GPHN: variants seen among roughly 807,000 people sequenced by gnomAD.
GPHN encodes the protein gephyrin.
A neutral mutation model predicts 95.5 loss-of-function variants in GPHN; 17 were observed. That is an observed-to-expected ratio of 0.18 (90% CI 0.12 to 0.27). The LOEUF (loss-of-function observed/expected upper bound fraction) is 0.27. Among genes scored for constraint, GPHN ranks in the 10% least tolerant of loss-of-function variants. The pLI is 1.00. For missense variants in GPHN, 660 were observed against 978.1 expected (o/e 0.67, Z 4.34); for synonymous variants, 320 against 322.5 (o/e 0.99, Z 0.08).
At chr14:67,578,195 T>A in the GPHN span, 1 of 1,613,430 alleles carries the variant, frequency 6.2e-7, no homozygotes. This position sits in a 1 kb window ranked among gnomAD's most constrained non-coding sequence, Gnocchi z 5.0. Flanking sequence ...TACTCCCTCA[T>A]GCAGGTAGGC....
At chr14:67,555,855 G>C in the GPHN span, 1 of 1,613,560 alleles carries the variant, frequency 6.2e-7, no homozygotes, top group Non-Finnish European at 8.5e-7. Context: ...GCTGCTGGAG[G>C]CAGAGCAGAG....
At chr14:66,658,261 T>A (rs1013064455) in intron 1 of GPHN, among the ~76,000 whole-genome samples, 3 of 152,150 alleles carry the variant, frequency 2.0e-5, no homozygotes, top group African/African-American at 7.2e-5. Context: ...GAGCTTTTTC[T>A]TATGGATAAT....
rs116855199 is a variant in GPHN, at chr14:66,885,542, G to C, written c.389+5509G>C. Among the ~76,000 whole-genome samples the C allele has an allele frequency of 6.6e-4, 101 of 152,234 alleles. 1 individual carries two copies. The East Asian group carries it at 0.015, about 23-fold the overall frequency. ...GATCCAGGTTCTATTGTGGATTACT[G>C]CTTTAGGTTGTAGAAGTGCAGAGGC... On this transcript the variant is annotated intron_variant, in intron 5 of 22. Coordinates refer to ENST00000478722, the MANE Select transcript of GPHN (RefSeq NM_020806.5).
the GPHN span, among the ~76,000 whole-genome samples, chr14:67,728,824 A>C: frequency 6.6e-6 from 1 of 151,918 alleles, no homozygotes; most frequent in Non-Finnish European, 1.5e-5. Context: ...TTCCAATCAG[A>C]TCGCTACCCC....
At chr14:66,761,659 CTTT>C (rs753179169) in intron 2 of GPHN, among the ~76,000 whole-genome samples, 3 of 135,622 alleles carry the variant, frequency 2.2e-5, no homozygotes, top group Admixed American at 7.4e-5. Context: ...ATACTCAGTT[CTTT>C]TTTTTTTTTT....
chr14:67,223,626 C>A, the GPHN span: 1 of 693,594 alleles, frequency 1.4e-6, no homozygotes, highest in Non-Finnish European at 1.8e-6. Flanking sequence ...AAGGGTGGCA[C>A]AACTTACAAA....
the GPHN span, chr14:67,302,051 G>T: frequency 6.2e-7 from 1 of 1,609,656 alleles, no homozygotes. Flanking sequence ...GTTTATGAAA[G>T]TATTGGCCAG....
the GPHN span, among the ~76,000 whole-genome samples, chr14:67,508,757 A>AAAAAAAAAAAAAAAAAAAC: frequency 6.7e-6 from 1 of 149,154 alleles, no homozygotes; most frequent in Admixed American, 6.7e-5. Flanking sequence ...TTGTCTCAAA[A>AAAAAAAAAAAAAAAAAAAC]AAAAAAAAAA....
the GPHN span, among the ~76,000 whole-genome samples, chr14:67,212,598 A>AAAAT: frequency 7.4e-6 from 1 of 135,910 alleles, no homozygotes; most frequent in Non-Finnish European, 1.6e-5. Flanking sequence ...TGAAAAAAAA[A>AAAAT]ATATATATAT....
At chr14:66,598,639 G>A (rs753934861) in intron 1 of GPHN, among the ~76,000 whole-genome samples, 10 of 152,116 alleles carry the variant, frequency 6.6e-5, no homozygotes, top group Admixed American at 2.6e-4. Context: ...GAGGTCAGGA[G>A]TTCAAGACCA....
the GPHN span, among the ~76,000 whole-genome samples, chr14:67,430,794 G>T: frequency 2.0e-5 from 3 of 152,168 alleles, no homozygotes; most frequent in Non-Finnish European, 4.4e-5. Context: ...TCCTCATTAA[G>T]TGGACCACAA....
chr14:67,095,965 G>GA (rs2077362219), intron 12 of GPHN, among the ~76,000 whole-genome samples: 1 of 50,556 alleles, frequency 2.0e-5, no homozygotes, highest in Non-Finnish European at 3.4e-5. Context: ...AAAGAAAAAG[G>GA]CAAAAAAAAA....
chr14:67,626,825 T>G, the GPHN span, among the ~76,000 whole-genome samples: 1 of 152,194 alleles, frequency 6.6e-6, no homozygotes, highest in African/African-American at 2.4e-5. Context: ...GAAACTCAAA[T>G]GTACATTAAT....
At chr14:67,315,649 T>C in the GPHN span, among the ~76,000 whole-genome samples, 8 of 152,232 alleles carry the variant, frequency 5.3e-5, 1 homozygote, top group African/African-American at 1.4e-4. Context: ...GTCTTGGCCG[T>C]GCACAGTGGC....
chr14:67,629,829 A>T, the GPHN span, among the ~76,000 whole-genome samples: 2 of 152,268 alleles, frequency 1.3e-5, no homozygotes, highest in African/African-American at 4.8e-5. Flanking sequence ...GACTACACAG[A>T]AAACCTTTCT....
At chr14:66,879,793 T>C (rs1168381600) in intron 4 of GPHN, 146 bp from the exon 5 acceptor site, 1 of 668,132 alleles carries the variant, frequency 1.5e-6, no homozygotes, top group Non-Finnish European at 2.7e-6. Context: ...TGAGTCTGGA[T>C]GCCTCAAAAA....
chr14:67,189,750 A>C, the GPHN span: 1 of 151,758 alleles, frequency 6.6e-6, no homozygotes, highest in Non-Finnish European at 1.5e-5. Context: ...GAGACTTAAC[A>C]CCTGGTGACT....
chr14:67,553,588 G>A, the GPHN span, among the ~76,000 whole-genome samples: 2 of 152,186 alleles, frequency 1.3e-5, no homozygotes, highest in South Asian at 4.1e-4. Context: ...GTCCAGTTAG[G>A]TCTGGTGTCA....
intron 4 of GPHN, among the ~76,000 whole-genome samples, chr14:66,869,536 T>C (rs1334081422): frequency 1.3e-5 from 2 of 152,224 alleles, no homozygotes; most frequent in African/African-American, 4.8e-5. Flanking sequence ...CTAATTTCAG[T>C]ATTCTACTTC....
Sources: gnomAD v4.1 joint callset for allele counts (sites outside exome capture counted in the v4.1 genomes callset) on GRCh38, gnomAD v4.1.1 for gene constraint, Gnocchi (gnomAD v3.1) non-coding constraint, MANE v1.5 for transcripts, NCBI Gene and HGNC (gene_info 2026-07-23, HGNC 2026-07-21) for gene names.